Variants in NOL4 observed in about 807,000 individuals in gnomAD.
The protein encoded by NOL4 is nucleolar protein 4.
Under a neutral mutation model 75.9 loss-of-function variants are expected in NOL4, and 17 were observed. That is an observed-to-expected ratio of 0.22 (90% CI 0.15 to 0.34). The LOEUF (loss-of-function observed/expected upper bound fraction) is 0.34, where lower values mean the gene tolerates loss of function less well. Among genes scored for constraint, NOL4 ranks in the 10% least tolerant of loss-of-function variants. NOL4 has a pLI of 1.00. For synonymous variants in NOL4, 292 were observed against 289.9 expected (o/e 1.01, Z -0.07); for missense variants, 614 against 793.5 (o/e 0.77, Z 2.72).
At chr18:34,121,356 G>C (rs2145841473) in intron 2 of NOL4, 1 of 152,274 alleles carries the variant, frequency 6.6e-6, no homozygotes. Flanking sequence ...TTCTGGTCTA[G>C]AGTTCATTGG....
intron 10 of NOL4, among the ~76,000 whole-genome samples, chr18:33,859,841 T>A (rs774586875): frequency 3.3e-5 from 5 of 151,952 alleles, no homozygotes; most frequent in Admixed American, 6.6e-5. Flanking sequence ...TGGCTTGAGC[T>A]CAGGAGGCAG....
At chr18:34,187,957 T>C (rs2146379145) in intron 1 of NOL4, among the ~76,000 whole-genome samples, 1 of 152,272 alleles carries the variant, frequency 6.6e-6, no homozygotes, top group South Asian at 2.1e-4. Flanking sequence ...GAGAGTTGTA[T>C]TGCTCCACAT....
intron 6 of NOL4, among the ~76,000 whole-genome samples, chr18:33,970,311 T>C (rs1346028479): frequency 6.6e-6 from 1 of 152,192 alleles, no homozygotes; most frequent in Non-Finnish European, 1.5e-5. Flanking sequence ...TGACCTTTGG[T>C]TTTTAAATAA....
intron 1 of NOL4, among the ~76,000 whole-genome samples, chr18:34,188,614 T>C (rs1204384711): frequency 6.6e-6 from 1 of 152,198 alleles, no homozygotes; most frequent in African/African-American, 2.4e-5. Context: ...ACCTAATGTA[T>C]TGAATACTCT....
intron 9 of NOL4, among the ~76,000 whole-genome samples, chr18:33,906,838 G>C (rs2066078176): frequency 6.6e-6 from 1 of 152,114 alleles, no homozygotes; most frequent in Non-Finnish European, 1.5e-5. Context: ...CAAATGAACA[G>C]AATATACTGT....
At chr18:34,190,389 T>C (rs1170684438) in intron 1 of NOL4, among the ~76,000 whole-genome samples, 2 of 151,998 alleles carry the variant, frequency 1.3e-5, no homozygotes, top group East Asian at 1.9e-4. Context: ...GTGTATATGA[T>C]TGTATGTATC....
intron 5 of NOL4, among the ~76,000 whole-genome samples, chr18:34,055,076 C>T (rs926315584): frequency 3.3e-5 from 5 of 150,814 alleles, no homozygotes; most frequent in Non-Finnish European, 7.4e-5. Flanking sequence ...TATTGATGTC[C>T]CAAAGTACAT....
At chr18:34,004,575 A>G (rs140394708) in intron 6 of NOL4, among the ~76,000 whole-genome samples, 239 of 152,224 alleles carry the variant, frequency 1.6e-3, no homozygotes, top group African/African-American at 5.4e-3. Context: ...ATATAATAAA[A>G]AGCAAACCTA....
At chr18:34,032,664 C>A (rs915014393) in intron 5 of NOL4, among the ~76,000 whole-genome samples, 1 of 152,114 alleles carries the variant, frequency 6.6e-6, no homozygotes, top group East Asian at 1.9e-4. Flanking sequence ...TTCACCCATG[C>A]CATTCTAGCT....
intron 5 of NOL4, among the ~76,000 whole-genome samples, chr18:34,033,735 G>A (rs1420733878): frequency 1.3e-5 from 2 of 152,026 alleles, no homozygotes; most frequent in Non-Finnish European, 2.9e-5. Flanking sequence ...AGATCTTCAT[G>A]GCACATTATA....
chr18:33,859,207 A>C (rs1287178694), intron 10 of NOL4, among the ~76,000 whole-genome samples: 1 of 151,852 alleles, frequency 6.6e-6, no homozygotes, highest in Non-Finnish European at 1.5e-5. Flanking sequence ...TTTTTTTCTA[A>C]TGTGTATGCC....
chr18:34,146,341 A>G (rs1043503500), intron 1 of NOL4, among the ~76,000 whole-genome samples: 11 of 152,082 alleles, frequency 7.2e-5, no homozygotes, highest in African/African-American at 2.7e-4. Flanking sequence ...GTTTTCTTCT[A>G]GGGTTTTCAT....
At chr18:33,911,272 T>G (rs1007070451) in intron 9 of NOL4, among the ~76,000 whole-genome samples, 9 of 152,024 alleles carry the variant, frequency 5.9e-5, no homozygotes, top group Admixed American at 5.9e-4. Context: ...GCTCTTTCAG[T>G]CTGGTAATGC....
At chr18:33,880,305 CTGTGTG>C (rs61306180) in intron 10 of NOL4, among the ~76,000 whole-genome samples, 20,454 of 144,406 alleles carry the variant, frequency 0.14, 1,425 homozygotes, top group Non-Finnish European at 0.16. Context: ...CAAAAGGGGT[CTGTGTG>C]TGTGTGTGTG....
At chr18:33,980,843 G>A (rs1314721397) in intron 6 of NOL4, among the ~76,000 whole-genome samples, 1 of 151,930 alleles carries the variant, frequency 6.6e-6, no homozygotes, top group Non-Finnish European at 1.5e-5. Context: ...TGAAGAGACA[G>A]AACAAGCATC....
chr18:33,999,105 T>A (rs2073503371), intron 6 of NOL4, among the ~76,000 whole-genome samples: 1 of 152,024 alleles, frequency 6.6e-6, no homozygotes, highest in African/African-American at 2.4e-5. Context: ...GTAGGTGTAT[T>A]GTCCCTCAAC....
At chr18:34,159,230 G>A (rs1161558902) in intron 1 of NOL4, among the ~76,000 whole-genome samples, 1 of 152,156 alleles carries the variant, frequency 6.6e-6, no homozygotes, top group Non-Finnish European at 1.5e-5. Context: ...TAAGCGCTCC[G>A]GGCGCCGCGC....
chr18:33,914,119 A>G (rs1413485016), intron 9 of NOL4, among the ~76,000 whole-genome samples: 1 of 152,128 alleles, frequency 6.6e-6, no homozygotes, highest in Admixed American at 6.6e-5. Context: ...AGAAATAAAA[A>G]GCATGAAAGG....
intron 4 of NOL4, among the ~76,000 whole-genome samples, chr18:34,094,771 T>C (rs994950843): frequency 3.3e-5 from 5 of 152,228 alleles, no homozygotes; most frequent in Admixed American, 6.5e-5. Context: ...CGTTGTTCTT[T>C]ATATTTTATC....
Sources: gnomAD v4.1 joint callset for allele counts (sites outside exome capture counted in the v4.1 genomes callset) on GRCh38, gnomAD v4.1.1 for gene constraint, MANE v1.5 for transcripts, NCBI Gene and HGNC (gene_info 2026-07-23, HGNC 2026-07-21) for gene names.